Variants in TLE1 observed in about 807,000 individuals in gnomAD.
The protein encoded by TLE1 is TLE family member 1, transcriptional corepressor.
TLE1 carries 21 observed loss-of-function variants against 89.8 expected under a neutral mutation model. The observed-to-expected ratio is 0.23, with a 90% CI of 0.17 to 0.34. The LOEUF is 0.34. TLE1 is among the 10% of genes least tolerant of loss of function. The pLI is 1.00. For missense variants in TLE1, 795 were observed against 1,031.2 expected (o/e 0.77, Z 3.14); for synonymous variants, 447 against 407.6 (o/e 1.10, Z -1.16).
chr9:81,590,746 G>A (rs2131815676), intron 16 of TLE1, 59 bp downstream of exon 16: 1 of 1,580,796 alleles, frequency 6.3e-7, no homozygotes, highest in East Asian at 2.2e-5. Flanking sequence ...GAGAAGCAGA[G>A]GTGATAGGCC....
At chr9:81,584,829 C>T (rs1220176520) in intron 18 of TLE1, among the ~76,000 whole-genome samples, 1 of 152,056 alleles carries the variant, frequency 6.6e-6, no homozygotes, top group Non-Finnish European at 1.5e-5. Context: ...TTTAGTCAGT[C>T]TCCTCATGAT....
intron 14 of TLE1, among the ~76,000 whole-genome samples, chr9:81,601,675 A>C (rs1830945249): frequency 6.6e-6 from 1 of 152,210 alleles, no homozygotes; most frequent in Non-Finnish European, 1.5e-5. Context: ...CAGGGGAATA[A>C]ATGTCCTAAA....
chr9:81,609,365 G>A (rs1420519517), intron 14 of TLE1, among the ~76,000 whole-genome samples: 1 of 152,208 alleles, frequency 6.6e-6, no homozygotes, highest in African/African-American at 2.4e-5. Context: ...GATTATAGGC[G>A]TGAGCCACTG....
Position 81,649,577 on chromosome 9 carries a change from G to A in TLE1, c.372+2637C>T, listed in dbSNP as rs556637963. Among the ~76,000 whole-genome samples the A allele has an allele frequency of 1.6e-4, 24 of 152,278 alleles. No individual in the cohort carries two copies. In the South Asian group the frequency reaches 3.5e-3, roughly 22 times the overall value. ...CACACTTGTAATAGATGTCTAAACC[G>A]TTAAATTACTATTTCTTTTCTTAGC... On this transcript the variant is annotated intron_variant, in intron 6 of 19. Transcript: ENST00000376499.
intron 4 of TLE1, among the ~76,000 whole-genome samples, chr9:81,656,795 TTA>T (rs1223536620): frequency 6.6e-6 from 1 of 152,356 alleles, no homozygotes; most frequent in Non-Finnish European, 1.5e-5. Flanking sequence ...CAGTGAATAT[TTA>T]TGTTTCATTT....
At chr9:81,610,948 C>A (rs1823632613) in intron 13 of TLE1, among the ~76,000 whole-genome samples, 1 of 152,166 alleles carries the variant, frequency 6.6e-6, no homozygotes, top group Non-Finnish European at 1.5e-5. Context: ...TTGCCCGCCA[C>A]TGCACAGCCT....
chr9:81,587,595 T>C, intron 17 of TLE1, 86 bp downstream of exon 17: 1 of 1,460,176 alleles, frequency 6.8e-7, no homozygotes. Context: ...ACTACCATCC[T>C]AGGGTAAAGG....
chr9:81,603,092 G>A (rs753859629), intron 14 of TLE1, among the ~76,000 whole-genome samples: 13 of 152,114 alleles, frequency 8.5e-5, no homozygotes, highest in Non-Finnish European at 1.2e-4. Context: ...TGAAGTCACC[G>A]GGCCTTTGCA....
At chr9:81,642,688 C>T (rs190357011) in intron 6 of TLE1, among the ~76,000 whole-genome samples, 3 of 125,896 alleles carry the variant, frequency 2.4e-5, no homozygotes, top group Non-Finnish European at 5.0e-5. Flanking sequence ...AGTGAGACTC[C>T]GTCTCAAAAA....
In TLE1 at chr9:81,682,371, C is replaced by T. The variant is rs376232181; in HGVS notation, c.234+3305G>A. Among the ~76,000 whole-genome samples, 111 of 152,248 alleles carry T rather than the reference C, an allele frequency of 7.3e-4. 1 individual carries two copies. The South Asian group carries it at 0.011, about 16-fold the overall frequency. On this transcript the variant is annotated intron_variant, in intron 4 of 19. Coordinates refer to ENST00000376499, the MANE Select transcript of TLE1 (RefSeq NM_005077.5). ...CCAGACTCTGAACACGTGCACACAG[C>T]TGTAGGCAGAGCAAAACACCTACCC...
At chr9:81,666,267 A>C (rs1282194255) in intron 4 of TLE1, among the ~76,000 whole-genome samples, 2 of 152,144 alleles carry the variant, frequency 1.3e-5, no homozygotes, top group African/African-American at 4.8e-5. Context: ...ATCACCGTGA[A>C]GTCATCACCT....
At chr9:81,685,579 C>A (rs1834159558) in intron 4 of TLE1, 97 bp downstream of exon 4, 1 of 1,080,058 alleles carries the variant, frequency 9.3e-7, no homozygotes. Context: ...AGCATACAAA[C>A]CCCCACCCCT....
In TLE1 at chr9:81,654,010, C is replaced by A; in HGVS notation, c.261G>T (p.Thr87=). 1 of 1,613,930 alleles carries A rather than the reference C, an allele frequency of 6.2e-7. No homozygotes were observed. The highest frequency in any genetic ancestry group is 1.3e-5 in the African/African-American group (1 of 75,048). The change falls in exon 5 of 20, where the codon ACG becomes ACT. Residue 87 remains threonine (T), a synonymous_variant. Transcript: ENST00000376499. The part of the protein sequence containing the change: ...KQTEIAKRLN[T]ICAQVIPFLS... Reference sequence around the variant, plus strand: ...GAAATGGGATGACTTGTGCACAAATCGTATTCAATCTCTTGGCGATTTCAG... The same window carrying A: ...GAAATGGGATGACTTGTGCACAAATAGTATTCAATCTCTTGGCGATTTCAG...
At chr9:81,632,072 A>G (rs2132329356) in intron 8 of TLE1, among the ~76,000 whole-genome samples, 1 of 152,206 alleles carries the variant, frequency 6.6e-6, no homozygotes, top group South Asian at 2.1e-4. Context: ...CCTGGGTGAC[A>G]GAGCGAAGAC....
chr9:81,680,603 T>C (rs1013355656), intron 4 of TLE1, among the ~76,000 whole-genome samples: 27 of 151,828 alleles, frequency 1.8e-4, no homozygotes, highest in African/African-American at 6.5e-4. Flanking sequence ...TGCTGAAGGG[T>C]GGGGAAGGTG....
At position 81,645,000 on chromosome 9, in the gene TLE1, CAAAAAAA is replaced by C. The variant is rs150421441; in HGVS notation, c.372+7207_372+7213del. On this transcript the variant is annotated intron_variant, in intron 6 of 19. Coordinates refer to ENST00000376499, the MANE Select transcript of TLE1 (RefSeq NM_005077.5). ...TGGGTGATAGAGTGAGACACTGTCT[CAAAAAAA>C]AAAAAAAAAAAAAAAAGGTGAATTT... is the stretch of plus-strand genomic sequence containing the variant. Among the ~76,000 whole-genome samples the C allele has an allele frequency of 8.1e-3, 527 of 64,954 alleles. 7 individuals carry two copies. The highest frequency in any genetic ancestry group is 0.032 in the Middle Eastern group (2 of 62). The allele number at this position is 64,954 out of a possible 152,430, so 42.6% of individuals were successfully genotyped here.
chr9:81,612,266 C>G, intron 12 of TLE1: 1 of 1,107,518 alleles, frequency 9.0e-7, no homozygotes, highest in Non-Finnish European at 1.1e-6. Context: ...AGAGGGCAAA[C>G]CAAGGCACAG....
chr9:81,643,828 G>A (rs1828476120), intron 6 of TLE1, among the ~76,000 whole-genome samples: 1 of 152,148 alleles, frequency 6.6e-6, no homozygotes, highest in African/African-American at 2.4e-5. Context: ...GAGCCACCAT[G>A]CCTGGCCTGT....
intron 4 of TLE1, among the ~76,000 whole-genome samples, chr9:81,656,588 A>T (rs1830175072): frequency 6.6e-6 from 1 of 152,204 alleles, no homozygotes; most frequent in Non-Finnish European, 1.5e-5. Flanking sequence ...CCATCATTCC[A>T]GGTTCTCACT....
Sources: gnomAD v4.1 joint callset for allele counts (sites outside exome capture counted in the v4.1 genomes callset) on GRCh38, gnomAD v4.1.1 for gene constraint, MANE v1.5 for transcripts, NCBI Gene and HGNC (gene_info 2026-07-23, HGNC 2026-07-21) for gene names.